The following NTM variants were observed in gnomAD, a reference collection of about 807,000 sequenced individuals.
The protein encoded by NTM is neurotrimin.
Under a neutral mutation model 42.1 loss-of-function variants are expected in NTM, and 13 were observed. The ratio of observed to expected loss-of-function variants is 0.31; its 90% CI spans 0.20 to 0.49. The LOEUF (loss-of-function observed/expected upper bound fraction) is 0.49. NTM is among the 20% of genes least tolerant of loss of function. The pLI is 0.99. For missense variants in NTM, 373 were observed against 452.8 expected, an observed-to-expected ratio of 0.82 and a Z score of 1.60; for synonymous variants, 187 against 179.2, an observed-to-expected ratio of 1.04 and a Z score of -0.35.
At chr11:131,609,579 T>C (rs2061306362) in intron 1 of NTM, among the ~76,000 whole-genome samples, 1 of 152,186 alleles carries the variant, frequency 6.6e-6, no homozygotes, top group South Asian at 2.1e-4. Flanking sequence ...GAAGACGTCT[T>C]GATGGGGCAA....
intron 2 of NTM, among the ~76,000 whole-genome samples, chr11:131,977,911 A>G (rs150289812): frequency 6.6e-6 from 1 of 152,236 alleles, no homozygotes; most frequent in Non-Finnish European, 1.5e-5. Flanking sequence ...GAGAAAATCA[A>G]TTATGAGCTG....
At chr11:132,191,372 T>C (rs1210273854) in intron 3 of NTM, among the ~76,000 whole-genome samples, 1 of 152,154 alleles carries the variant, frequency 6.6e-6, no homozygotes, top group Non-Finnish European at 1.5e-5. Context: ...ACAGACCAAG[T>C]TCCAGCCCAA....
At chr11:131,808,361 T>A (rs2092601217) in intron 1 of NTM, among the ~76,000 whole-genome samples, 1 of 152,182 alleles carries the variant, frequency 6.6e-6, no homozygotes, top group Non-Finnish European at 1.5e-5. Flanking sequence ...TCGATCAGGA[T>A]TCATTTTCCT....
At chr11:132,133,376 T>C (rs12270361) in intron 2 of NTM, among the ~76,000 whole-genome samples, 28,037 of 152,182 alleles carry the variant, frequency 0.18, 3,228 homozygotes, top group African/African-American at 0.32. Context: ...TGCCTCTGCA[T>C]TGAATTCCTT....
At chr11:131,470,882 C>G (rs946313553) in intron 1 of NTM, among the ~76,000 whole-genome samples, 1 of 152,190 alleles carries the variant, frequency 6.6e-6, no homozygotes, top group South Asian at 2.1e-4. Flanking sequence ...TGAACACTTG[C>G]ATTTCCACGC....
At chr11:131,689,857 G>C (rs574748068) in intron 1 of NTM, among the ~76,000 whole-genome samples, 5 of 152,344 alleles carry the variant, frequency 3.3e-5, no homozygotes, top group African/African-American at 1.2e-4. Flanking sequence ...GAGAGACTCA[G>C]CAATACCAGT....
chr11:131,380,212 CT>C (rs34132358), intron 1 of NTM, among the ~76,000 whole-genome samples: 41,919 of 124,338 alleles, frequency 0.34, 6,885 homozygotes, highest in African/African-American at 0.55. Flanking sequence ...TCCTTTGAGT[CT>C]TTTTTTTTTT....
At chr11:131,468,260 C>T (rs905621651) in intron 1 of NTM, among the ~76,000 whole-genome samples, 2 of 152,252 alleles carry the variant, frequency 1.3e-5, no homozygotes, top group African/African-American at 2.4e-5. Context: ...TGACAAAGCC[C>T]ATGCTGTGTA....
chr11:132,189,958 T>C (rs777597990), intron 3 of NTM, among the ~76,000 whole-genome samples: 1 of 152,222 alleles, frequency 6.6e-6, no homozygotes, highest in Non-Finnish European at 1.5e-5. Context: ...TCTCATATTC[T>C]TGTGGGAATG....
chr11:131,936,694 C>T (rs983044829), intron 2 of NTM, among the ~76,000 whole-genome samples: 1 of 152,168 alleles, frequency 6.6e-6, no homozygotes, highest in East Asian at 1.9e-4. Flanking sequence ...CAAACACACA[C>T]AAACAAAGGG....
intron 1 of NTM, among the ~76,000 whole-genome samples, chr11:131,577,017 TG>T (rs1346970998): frequency 1.3e-5 from 2 of 152,258 alleles, no homozygotes; most frequent in Non-Finnish European, 2.9e-5. Context: ...TAAAGTCATG[TG>T]GTATACAGGC....
chr11:131,901,342 T>C (rs563227222), intron 1 of NTM, among the ~76,000 whole-genome samples: 2 of 152,336 alleles, frequency 1.3e-5, no homozygotes, highest in South Asian at 4.1e-4. Context: ...GCAACTTACA[T>C]GCATACTTTA....
At chr11:131,503,028 A>C (rs1201004988) in intron 1 of NTM, 2 of 152,352 alleles carry the variant, frequency 1.3e-5, no homozygotes, top group Non-Finnish European at 2.9e-5. Flanking sequence ...TTTCTCAGGG[A>C]GGTTTATGGG....
intron 2 of NTM, among the ~76,000 whole-genome samples, chr11:132,020,631 GA>G (rs35160814): frequency 2.6e-5 from 4 of 151,182 alleles, no homozygotes; most frequent in African/African-American, 4.9e-5. Flanking sequence ...CCTCATATTT[GA>G]AAAAAAAGGT....
At chr11:131,841,696 T>G (rs2044266640) in intron 1 of NTM, among the ~76,000 whole-genome samples, 1 of 152,114 alleles carries the variant, frequency 6.6e-6, no homozygotes, top group Non-Finnish European at 1.5e-5. Flanking sequence ...GGGAGCCCTA[T>G]TGAGGGGTCA....
At chr11:132,201,481 G>A (rs746352564) in intron 3 of NTM, among the ~76,000 whole-genome samples, 3 of 152,186 alleles carry the variant, frequency 2.0e-5, no homozygotes, top group South Asian at 2.1e-4. Context: ...TTGCGGTTGA[G>A]CCTCAAAGGA....
intron 2 of NTM, among the ~76,000 whole-genome samples, chr11:132,116,177 C>T (rs1195937865): frequency 6.6e-6 from 1 of 152,144 alleles, no homozygotes; most frequent in African/African-American, 2.4e-5. Flanking sequence ...GGTGAGGCAA[C>T]CAAGGGAGTA....
intron 1 of NTM, among the ~76,000 whole-genome samples, chr11:131,414,331 A>G (rs971085393): frequency 1.3e-5 from 2 of 152,184 alleles, no homozygotes; most frequent in Non-Finnish European, 2.9e-5. Flanking sequence ...CTGAGTGGAC[A>G]GTCTGCCTGC....
At chr11:131,898,668 T>C (rs764333203) in intron 1 of NTM, among the ~76,000 whole-genome samples, 1 of 152,228 alleles carries the variant, frequency 6.6e-6, no homozygotes, top group African/African-American at 2.4e-5. Flanking sequence ...GAGAAGGGTG[T>C]TCTCATCCCT....
Sources: allele counts gnomAD v4.1 joint callset (sites outside exome capture counted in the v4.1 genomes callset), GRCh38; gene constraint gnomAD v4.1.1; transcripts MANE v1.5; gene names NCBI Gene and HGNC (gene_info 2026-07-23, HGNC 2026-07-21).